RAB38: variants seen among roughly 807,000 people sequenced by gnomAD.
RAB38 encodes RAB38, member RAS oncogene family, also known as ras-related protein Rab-38.
In RAB38, 15 loss-of-function variants were observed where a neutral mutation model predicts 18.4. The observed-to-expected ratio is 0.82, with a 90% CI of 0.55 to 1.26. The LOEUF is 1.26. RAB38 is among the 50% of genes most tolerant of loss of function. The pLI is 0.00. For synonymous variants in RAB38, 101 were observed against 104.4 expected (o/e 0.97, Z 0.20); for missense variants, 294 against 267.4 (o/e 1.10, Z -0.69).
chr11:87,956,179 T>C, the RAB38 span, among the ~76,000 whole-genome samples: 1 of 152,176 alleles, frequency 6.6e-6, no homozygotes, highest in African/African-American at 2.4e-5. Context: ...TATTTACTTG[T>C]AAGTAAATAT....
At chr11:87,977,020 C>T in the RAB38 span, among the ~76,000 whole-genome samples, 3 of 3,058 alleles carry the variant, frequency 9.8e-4, no homozygotes, top group Non-Finnish European at 1.6e-3. Flanking sequence ...AATATAATTA[C>T]ATTATACAAG....
At chr11:87,871,866 C>T in the RAB38 span, among the ~76,000 whole-genome samples, 1 of 151,486 alleles carries the variant, frequency 6.6e-6, no homozygotes, top group Non-Finnish European at 1.5e-5. Context: ...CATTACATTC[C>T]ACTGAATGAA....
chr11:88,070,307 C>G, the RAB38 span, among the ~76,000 whole-genome samples: 1 of 152,184 alleles, frequency 6.6e-6, no homozygotes, highest in Non-Finnish European at 1.5e-5. Context: ...CAGCTTCACT[C>G]CTGAAGTCAG....
At chr11:88,046,429 A>T in the RAB38 span, among the ~76,000 whole-genome samples, 1 of 152,030 alleles carries the variant, frequency 6.6e-6, no homozygotes, top group Non-Finnish European at 1.5e-5. Flanking sequence ...TCTGTTCTGG[A>T]TCTCAAACAT....
chr11:88,165,454 GC>G (rs1943235049), intron 1 of RAB38: 2 of 152,084 alleles, frequency 1.3e-5, no homozygotes, highest in African/African-American at 4.8e-5. Flanking sequence ...ATAAAACTAT[GC>G]CTGACACTTA....
the RAB38 span, among the ~76,000 whole-genome samples, chr11:87,944,893 G>A: frequency 6.6e-6 from 1 of 152,076 alleles, no homozygotes; most frequent in Admixed American, 6.6e-5. Context: ...AGAACAGAGA[G>A]GTAGAAAATC....
the RAB38 span, among the ~76,000 whole-genome samples, chr11:87,908,907 T>C: frequency 6.6e-6 from 1 of 151,960 alleles, no homozygotes; most frequent in African/African-American, 2.4e-5. Context: ...TAAAAATTTT[T>C]CCTCATATTG....
intron 1 of RAB38, among the ~76,000 whole-genome samples, chr11:88,159,199 C>CAATAGATAAATA (rs1943159442): frequency 7.0e-6 from 1 of 142,308 alleles, no homozygotes; most frequent in Admixed American, 7.0e-5. Context: ...ACAATAGCAG[C>CAATAGATAAATA]AATAAATAAA....
the RAB38 span, among the ~76,000 whole-genome samples, chr11:87,847,289 T>C: frequency 6.6e-6 from 1 of 152,056 alleles, no homozygotes. Context: ...AAATCAACAG[T>C]ATCAGTAATG....
At chr11:87,817,302 T>C in the RAB38 span, 1 of 152,156 alleles carries the variant, frequency 6.6e-6, no homozygotes, top group African/African-American at 2.4e-5. Flanking sequence ...TCAATGTAAA[T>C]GATAATTTTC....
the RAB38 span, among the ~76,000 whole-genome samples, chr11:88,079,893 T>C: frequency 1.8e-4 from 28 of 151,854 alleles, no homozygotes; most frequent in East Asian, 4.5e-3. Context: ...GGGTTATTCC[T>C]AAATCTGATG....
chr11:88,041,647 A>G, the RAB38 span, among the ~76,000 whole-genome samples: 1 of 152,260 alleles, frequency 6.6e-6, no homozygotes. Context: ...TTGGCAGCAC[A>G]TGCCTAGCCC....
the RAB38 span, among the ~76,000 whole-genome samples, chr11:87,855,658 A>T: frequency 1.3e-5 from 2 of 152,190 alleles, no homozygotes; most frequent in African/African-American, 2.4e-5. Context: ...AAAAGAAATT[A>T]CGTAAAGCTG....
chr11:87,923,551 GTGTGTGTGTGTGTGTGTGTGTGTGCA>G, the RAB38 span, among the ~76,000 whole-genome samples: 267 of 112,002 alleles, frequency 2.4e-3, no homozygotes, highest in African/African-American at 0.013. Context: ...TTAATTCTGT[GTGTGTGTGTGTGTGTGTGTGTGTGCA>G]TGTGTGTGTG....
At chr11:87,805,009 T>C in the RAB38 span, among the ~76,000 whole-genome samples, 1 of 152,180 alleles carries the variant, frequency 6.6e-6, no homozygotes, top group Non-Finnish European at 1.5e-5. Context: ...GGTTGTTGCT[T>C]CTTCAATGAA....
At chr11:88,033,725 C>CT in the RAB38 span, among the ~76,000 whole-genome samples, 13,538 of 100,934 alleles carry the variant, frequency 0.13, 1,813 homozygotes, top group South Asian at 0.19. Context: ...GTTGTGTTGC[C>CT]TTTTTTTTTT....
At chr11:88,128,311 A>C (rs1942728842) in intron 2 of RAB38, among the ~76,000 whole-genome samples, 1 of 152,222 alleles carries the variant, frequency 6.6e-6, no homozygotes, top group South Asian at 2.1e-4. Context: ...CTCTTGTCTA[A>C]TGTAGTTAAA....
the RAB38 span, among the ~76,000 whole-genome samples, chr11:87,851,760 C>T: frequency 6.6e-6 from 1 of 152,100 alleles, no homozygotes; most frequent in Non-Finnish European, 1.5e-5. Context: ...CTGGGTCTTT[C>T]TGGGAACTCT....
the RAB38 span, among the ~76,000 whole-genome samples, chr11:87,886,774 C>A: frequency 6.6e-6 from 1 of 151,348 alleles, no homozygotes; most frequent in Non-Finnish European, 1.5e-5. Context: ...CAAGTTGATA[C>A]CACTTGATCG....
Sources: allele counts gnomAD v4.1 joint callset (sites outside exome capture counted in the v4.1 genomes callset), GRCh38; gene constraint gnomAD v4.1.1; transcripts MANE v1.5; gene names NCBI Gene and HGNC (gene_info 2026-07-23, HGNC 2026-07-21).